The following HDAC3 variants were observed in gnomAD, a reference collection of about 807,000 sequenced individuals.
The protein encoded by HDAC3 is histone deacetylase 3.
In HDAC3, 21 loss-of-function variants were observed where a neutral mutation model predicts 62.3. The observed-to-expected ratio is 0.34, with a 90% CI of 0.24 to 0.49. The LOEUF is 0.49. HDAC3 is among the 20% of genes least tolerant of loss of function. The pLI, the probability that HDAC3 is intolerant of heterozygous loss-of-function variation, is 0.99. For missense variants in HDAC3, 270 were observed against 556.9 expected (o/e 0.48, Z 5.19); for synonymous variants, 198 against 206.5 (o/e 0.96, Z 0.35).
rs542492154 is a variant in HDAC3, at chr5:141,625,547, T to G, written c.1059+138A>C. ...CAACTGCCTCTACTTTAAACTGGAC[T>G]GCCTCCTAGTCAATAACAGTGACTG... On this transcript the variant is annotated intron_variant, in intron 13 of 14. Transcript: ENST00000305264. This position sits in a 1 kb window ranked among gnomAD's most constrained non-coding sequence, Gnocchi z 4.0. 9.3e-7 allele frequency: 1 copy of G among 1,077,758 alleles called. No homozygotes were observed. Among genetic ancestry groups the G allele is most frequent in the South Asian group, 1.3e-5 (1 of 75,680 alleles). 66.8% of individuals were successfully genotyped at this position (1,077,758 alleles called of 1,614,324 possible). A position where few individuals can be genotyped will look rare whatever the true frequency, so the allele number is the denominator to read the frequency against.
rs1048891065 is a variant in HDAC3 at position 141,628,926 on chromosome 5, G to A, written c.610+247C>T. On this transcript the variant is annotated intron_variant, in intron 7 of 14. Transcript: ENST00000305264. This position sits in a 1 kb window ranked among gnomAD's most constrained non-coding sequence, Gnocchi z 4.7. ...ATTCTTAGGGAATAGCCATGAGGAG[G>A]AGGGAGGCAGTAAACAAAACAAAAC... Among the ~76,000 whole-genome samples, 14 of 152,238 alleles carry A rather than the reference G, an allele frequency of 9.2e-5. No individual in the cohort carries two copies. The highest frequency in any genetic ancestry group is 2.7e-4 in the African/African-American group (11 of 41,466).
chr5:141,623,560 C>G (rs2099903988), intron 14 of HDAC3, among the ~76,000 whole-genome samples: 1 of 152,206 alleles, frequency 6.6e-6, no homozygotes, highest in Admixed American at 6.5e-5. Context: ...CAATGAAAAG[C>G]AATTTCCAAT....
intron 3 of HDAC3, among the ~76,000 whole-genome samples, 177 bp from the exon 4 acceptor site, chr5:141,630,302 C>G (rs1300695054): frequency 6.6e-6 from 1 of 152,170 alleles, no homozygotes; most frequent in African/African-American, 2.4e-5. Context: ...AACCATGTAC[C>G]AAGCCCTGTG....
intron 14 of HDAC3, among the ~76,000 whole-genome samples, chr5:141,622,407 C>A (rs1364311484): frequency 6.6e-6 from 1 of 152,006 alleles, no homozygotes; most frequent in Non-Finnish European, 1.5e-5. Context: ...AGATCAAGAC[C>A]ATCCTGGCCA....
chr5:141,636,672 G>C (rs1189567752), intron 1 of HDAC3, 42 bp from the exon 2 acceptor site: 2 of 1,612,734 alleles, frequency 1.2e-6, no homozygotes, highest in Non-Finnish European at 1.7e-6. Context: ...CTCACCCCTG[G>C]AGTTGCAACC....
At position 141,636,786 on chromosome 5, in the gene HDAC3, G is replaced by A. The variant is rs763346840; in HGVS notation, c.5C>T (p.Ala2Val). Residue 2 changes from alanine to valine, a missense_variant, in exon 1 of 15, where the codon GCC becomes GTC. Ala to Val is a moderately conservative substitution (Grantham distance 64, BLOSUM62 0). Around this residue, in one of 5 missense-constraint regions of HDAC3, gnomAD observed 22 missense variants for 21.3 expected, o/e 1.03. Transcript: ENST00000305264. MAKTVAYFYDPD... is the reference protein window; with the variant it reads MVKTVAYFYDPD... ...GTCGTAGAAATAGGCCACGGTCTTG[G>A]CCATGGTGCCGGCGGGAGCAGGCCC... 4.3e-6 allele frequency: 7 copies of A among 1,610,798 alleles called. No individual in the cohort carries two copies. The Admixed American group carries it at 1.2e-4, about 27-fold the overall frequency.
In HDAC3 at chr5:141,627,876, A is replaced by C. The variant is rs549810243; in HGVS notation, c.830+17T>G. On this transcript the variant is annotated intron_variant, in intron 10 of 14. Coordinates refer to ENST00000305264, the MANE Select transcript of HDAC3 (RefSeq NM_003883.4). ...CCACTTAAAAACCTTGGGGAGAAGA[A>C]GGAGAGCAAGTCTCACCCATGCCCT... The C allele has an allele frequency of 1.1e-5, 18 of 1,613,638 alleles. No individual in the cohort carries two copies. The South Asian group carries it at 1.9e-4, about 17-fold the overall frequency.
At chr5:141,633,090 G>A (rs2099905463) in intron 3 of HDAC3, among the ~76,000 whole-genome samples, 1 of 152,204 alleles carries the variant, frequency 6.6e-6, no homozygotes, top group African/African-American at 2.4e-5. Context: ...ATTGGTATGA[G>A]AATTAAGTGG....
Position 141,635,133 on chromosome 5 carries a change from C to A in HDAC3, c.139-180G>T, listed in dbSNP as rs572668763. ...AACCAGGTAAGTTATTACAAATGAG[C>A]CCCCTGAAGACCACTTCTTTTCCTT... On this transcript the variant is annotated intron_variant, in intron 2 of 14. Coordinates refer to ENST00000305264, the MANE Select transcript of HDAC3 (RefSeq NM_003883.4). 11 of 569,346 alleles carry A rather than the reference C, an allele frequency of 1.9e-5. No homozygotes were observed. In the South Asian group the frequency reaches 2.7e-4, roughly 14 times the overall value. The allele number at this position is 569,346 out of a possible 1,614,324, so 35.3% of individuals were successfully genotyped here.
In HDAC3 at chr5:141,621,500, C is replaced by A; in HGVS notation, c.1255G>T (p.Asp419Tyr). Residue 419 changes from aspartate to tyrosine, a missense_variant, in exon 15 of 15, where the codon GAC becomes TAC. This residue lies in a region of HDAC3 where 44 missense variants were observed against 64.3 expected (regional missense o/e 0.68). Transcript: ENST00000305264. The part of the protein sequence containing the change: ...APNEFYDGDH[D>Y]NDKESDVEI Reference sequence around the variant, plus strand: ...TCCACATCGCTTTCCTTGTCATTGTCATGGTCTCCATCATAGAACTCATTG... The same window carrying A: ...TCCACATCGCTTTCCTTGTCATTGTAATGGTCTCCATCATAGAACTCATTG... The A allele has an allele frequency of 6.2e-7, 1 of 1,614,026 alleles. No homozygotes were observed. The highest frequency in any genetic ancestry group is 1.1e-5 in the South Asian group (1 of 91,064).
Position 141,635,612 on chromosome 5 carries a change from T to G in HDAC3, c.139-659A>C, listed in dbSNP as rs187927576. Among the ~76,000 whole-genome samples, 110 of 152,364 alleles carry G rather than the reference T, an allele frequency of 7.2e-4. No individual in the cohort carries two copies. The East Asian group carries it at 0.015, about 21-fold the overall frequency. On this transcript the variant is annotated intron_variant, in intron 2 of 14. Transcript: ENST00000305264. The stretch of plus-strand genomic sequence containing the variant: ...GCAACACATAAAGCCTGGGTTTAGC[T>G]GTTTTGTCTTATTTTTTCTTTTGAG...
intron 3 of HDAC3, among the ~76,000 whole-genome samples, chr5:141,634,546 A>C (rs563207829): frequency 2.0e-5 from 3 of 152,162 alleles, no homozygotes; most frequent in African/African-American, 7.2e-5. Context: ...CACTCTCATA[A>C]TCTGTCATAC....
intron 14 of HDAC3, among the ~76,000 whole-genome samples, chr5:141,622,114 G>A (rs2099903792): frequency 6.6e-6 from 1 of 152,192 alleles, no homozygotes; most frequent in African/African-American, 2.4e-5. Flanking sequence ...ATGAGATCCT[G>A]GATGTAGGTA....
In HDAC3 at chr5:141,636,642, G is replaced by C. The variant is rs1380143467; in HGVS notation, c.56-12C>G. 13 of 1,614,026 alleles carry C rather than the reference G, an allele frequency of 8.1e-6. No individual in the cohort carries two copies. Among genetic ancestry groups the C allele is most frequent in the Non-Finnish European group, 1.0e-5 (12 of 1,179,894 alleles). ...AGGGTGTCCAGCTCCTGGGGGTGGGGAGAAGAGAGTTCGTCAGCTCTCACC... is the reference window on the plus strand; with the variant it reads ...AGGGTGTCCAGCTCCTGGGGGTGGGCAGAAGAGAGTTCGTCAGCTCTCACC... On this transcript the variant is annotated splice_polypyrimidine_tract_variant and intron_variant, in intron 1 of 14. Transcript: ENST00000305264.
In HDAC3 at chr5:141,626,585, T is replaced by C. The variant is rs2099904452; in HGVS notation, c.831-302A>G. ...TCTGTCAATTCTAGCCTTGAAAATA[T>C]AACTCACGCCCGGCGCGGTGCTCAC... On this transcript the variant is annotated intron_variant, in intron 10 of 14. Transcript: ENST00000305264. This position sits in a 1 kb window ranked among gnomAD's most constrained non-coding sequence, Gnocchi z 4.6. 5 of 376,650 alleles carry C rather than the reference T, an allele frequency of 1.3e-5. No homozygotes were observed. The highest frequency in any genetic ancestry group is 2.5e-5 in the Non-Finnish European group (5 of 198,572). The allele number at this position is 376,650 out of a possible 1,614,324, so 23.3% of individuals were successfully genotyped here. A position where few individuals can be genotyped will look rare whatever the true frequency, so the allele number is the denominator to read the frequency against.
At chr5:141,631,395 A>G (rs2099905194) in intron 3 of HDAC3, among the ~76,000 whole-genome samples, 1 of 152,228 alleles carries the variant, frequency 6.6e-6, no homozygotes, top group Admixed American at 6.5e-5. Flanking sequence ...CAGCTCCAGG[A>G]AAAACAAAAA....
In HDAC3 at chr5:141,625,486, G is replaced by C; in HGVS notation, c.1060-121C>G. 2 of 1,218,990 alleles carry C rather than the reference G, an allele frequency of 1.6e-6. No individual in the cohort carries two copies. Among genetic ancestry groups the C allele is most frequent in the Admixed American group, 3.7e-5 (2 of 53,810 alleles). The allele number at this position is 1,218,990 out of a possible 1,614,324, so 75.5% of individuals were successfully genotyped here. A position where few individuals can be genotyped will look rare whatever the true frequency, so the allele number is the denominator to read the frequency against. ...CATCTCAGTGGTACCTCTAGTTCAG[G>C]TCCCCCAACTGATAGCTCTCCCTCC... is the stretch of plus-strand genomic sequence containing the variant. On this transcript the variant is annotated intron_variant, in intron 13 of 14. Coordinates refer to ENST00000305264, the MANE Select transcript of HDAC3 (RefSeq NM_003883.4). The surrounding 1 kb of genome is among the most constrained non-coding windows in gnomAD (Gnocchi z 4.0).
In HDAC3 at chr5:141,634,826, T is replaced by C; in HGVS notation, c.266A>G (p.Asn89Ser). 1 of 1,613,994 alleles carries C rather than the reference T, an allele frequency of 6.2e-7. No homozygotes were observed. ...QGFTKSLNAF[N>S]VGDDCPVFPG... ...CCTCCCTCACCAGTCATCGCCTACG[T>C]TGAAGGCATTAAGACTCTTGGTGAA... is the stretch of plus-strand genomic sequence containing the variant. Residue 89 changes from asparagine (N) to serine (S), a missense_variant, in exon 3 of 15, where the codon AAC becomes AGC. By Grantham distance (46) the Asn-to-Ser change is conservative. This residue lies in a region of HDAC3 where 156 missense variants were observed against 383.9 expected (regional missense o/e 0.41). Transcript: ENST00000305264.
At position 141,625,587 on chromosome 5, in the gene HDAC3, T is replaced by C. The variant is rs2099904323; in HGVS notation, c.1059+98A>G. On this transcript the variant is annotated intron_variant, in intron 13 of 14. Transcript: ENST00000305264. The surrounding 1 kb of genome is among the most constrained non-coding windows in gnomAD (Gnocchi z 4.0). ...AACAGTGACTGTGATGGCTTAGAAC[T>C]TCCTTCTCTTTGGTTTTTCCTACTT... 3.1e-6 allele frequency: 4 copies of C among 1,281,650 alleles called. No individual in the cohort carries two copies. Among genetic ancestry groups the C allele is most frequent in the Admixed American group, 1.8e-5 (1 of 56,896 alleles). 79.4% of individuals were successfully genotyped at this position (1,281,650 alleles called of 1,614,324 possible).
Sources: allele counts gnomAD v4.1 joint callset (sites outside exome capture counted in the v4.1 genomes callset), GRCh38; gene constraint gnomAD v4.1.1; regional missense constraint gnomAD v4.1.1; non-coding constraint Gnocchi (gnomAD v3.1); transcripts MANE v1.5; gene names NCBI Gene and HGNC (gene_info 2026-07-23, HGNC 2026-07-21).